CDH12: variants seen among roughly 807,000 people sequenced by gnomAD.
CDH12 encodes the protein cadherin 12.
A neutral mutation model predicts 74.1 loss-of-function variants in CDH12; 41 were observed. The ratio of observed to expected loss-of-function variants is 0.55; its 90% CI spans 0.43 to 0.72. The LOEUF is 0.72. CDH12 is among the 30% of genes least tolerant of loss of function. The pLI, the probability that CDH12 is intolerant of heterozygous loss-of-function variation, is 0.00. For synonymous variants in CDH12, 399 were observed against 355.0 expected (o/e 1.12, Z -1.39); for missense variants, 945 against 977.2 (o/e 0.97, Z 0.44).
intron 2 of CDH12, among the ~76,000 whole-genome samples, chr5:22,504,804 T>C (rs976958392): frequency 1.3e-5 from 2 of 152,090 alleles, no homozygotes; most frequent in South Asian, 2.1e-4. Context: ...ACTTTATCTC[T>C]GTTTCCTATG....
chr5:22,759,041 T>C lies in CDH12; in HGVS notation c.-523+94017A>G, dbSNP rs115343326. Among the ~76,000 whole-genome samples, 1,368 of 152,256 alleles carry C rather than the reference T, an allele frequency of 9.0e-3. 6 individuals carry two copies. The highest frequency in any genetic ancestry group is 0.016 in the Non-Finnish European group (1,079 of 68,014). ...AAAATTTTAAAACCAAATAAGATCT[T>C]GGCTAAGATACCATATGAAAGGTGA... On this transcript the variant is annotated intron_variant, in intron 1 of 14. Coordinates refer to ENST00000382254, the MANE Select transcript of CDH12 (RefSeq NM_004061.5).
At chr5:21,903,816 A>G (rs1284939162) in intron 6 of CDH12, among the ~76,000 whole-genome samples, 1 of 152,222 alleles carries the variant, frequency 6.6e-6, no homozygotes, top group Non-Finnish European at 1.5e-5. Flanking sequence ...AAGAACACAA[A>G]TAGATGGAAA....
At chr5:22,242,533 A>G (rs932488474) in intron 3 of CDH12, among the ~76,000 whole-genome samples, 1 of 152,252 alleles carries the variant, frequency 6.6e-6, no homozygotes, top group South Asian at 2.1e-4. Context: ...CCACTTTTCC[A>G]TAGTCTGTAC....
chr5:22,353,215 T>C (rs1334222552), intron 3 of CDH12, among the ~76,000 whole-genome samples: 1 of 152,230 alleles, frequency 6.6e-6, no homozygotes, highest in African/African-American at 2.4e-5. Context: ...TAATTGATTT[T>C]AAAATTTTGT....
At chr5:22,068,201 A>G (rs1169561107) in intron 5 of CDH12, among the ~76,000 whole-genome samples, 1 of 152,146 alleles carries the variant, frequency 6.6e-6, no homozygotes, top group Non-Finnish European at 1.5e-5. Flanking sequence ...ATGAGGCCTC[A>G]GCAGGCCCTT....
rs558779549 is a variant in CDH12 at position 22,160,749 on chromosome 5, T to C, written c.-187+51749A>G. Reference sequence around the variant, plus strand: ...GGTGAAAGGGACCAAGGAGCTCAACTCCCTTGGGCCTATATTATAAGGGCA... The same window carrying C: ...GGTGAAAGGGACCAAGGAGCTCAACCCCCTTGGGCCTATATTATAAGGGCA... On this transcript the variant is annotated intron_variant, in intron 4 of 14. Coordinates refer to ENST00000382254, the MANE Select transcript of CDH12 (RefSeq NM_004061.5). Among the ~76,000 whole-genome samples, 18 of 152,158 alleles carry C rather than the reference T, an allele frequency of 1.2e-4. 1 individual carries two copies. The South Asian group carries it at 3.7e-3, about 32-fold the overall frequency.
At chr5:22,702,802 G>T (rs1357217513) in intron 1 of CDH12, among the ~76,000 whole-genome samples, 1 of 151,996 alleles carries the variant, frequency 6.6e-6, no homozygotes, top group Non-Finnish European at 1.5e-5. Flanking sequence ...CATATGGTTT[G>T]CATGAGAGAC....
At chr5:22,017,916 T>G (rs1462865699) in intron 5 of CDH12, among the ~76,000 whole-genome samples, 1 of 151,994 alleles carries the variant, frequency 6.6e-6, no homozygotes, top group Non-Finnish European at 1.5e-5. Context: ...TGCACCACCA[T>G]GCCTGGCTAA....
chr5:22,545,240 G>A (rs566992987), intron 1 of CDH12, among the ~76,000 whole-genome samples: 2 of 152,278 alleles, frequency 1.3e-5, no homozygotes, highest in East Asian at 3.9e-4. Context: ...ACCCATCAAT[G>A]GTGGGGGCCA....
chr5:21,772,448 C>A (rs918495395), intron 11 of CDH12, among the ~76,000 whole-genome samples: 8 of 151,960 alleles, frequency 5.3e-5, no homozygotes, highest in Admixed American at 4.6e-4. Flanking sequence ...TGCTTTATTC[C>A]ATTTCTAGAG....
chr5:21,967,600 C>T (rs1756642333), intron 6 of CDH12, among the ~76,000 whole-genome samples: 1 of 152,098 alleles, frequency 6.6e-6, no homozygotes, highest in African/African-American at 2.4e-5. Context: ...ACATTTATTG[C>T]TGATCAGTGG....
chr5:22,522,810 T>C (rs1737112572), intron 1 of CDH12, among the ~76,000 whole-genome samples: 1 of 152,220 alleles, frequency 6.6e-6, no homozygotes, highest in Non-Finnish European at 1.5e-5. Context: ...GTTCTGTCAT[T>C]CTGCTAGTTT....
At chr5:22,565,374 A>T (rs1218538413) in intron 1 of CDH12, among the ~76,000 whole-genome samples, 1 of 152,188 alleles carries the variant, frequency 6.6e-6, no homozygotes, top group Non-Finnish European at 1.5e-5. Context: ...CAGGGTAATA[A>T]GGTTCTCTTT....
At chr5:22,204,162 G>GGTTTTTTTTTTTTTTTTTTTTT (rs1554020485) in intron 4 of CDH12, among the ~76,000 whole-genome samples, 1 of 129,842 alleles carries the variant, frequency 7.7e-6, no homozygotes, top group Non-Finnish European at 1.7e-5. Flanking sequence ...TGTTTTGTTT[G>GGTTTTTTTTTTTTTTTTTTTTT]TTTTTTTTTT....
At chr5:22,703,945 C>T (rs771385958) in intron 1 of CDH12, among the ~76,000 whole-genome samples, 18 of 151,924 alleles carry the variant, frequency 1.2e-4, no homozygotes, top group East Asian at 1.9e-4. Context: ...ACATAATAGA[C>T]GTATTTGGAG....
chr5:22,698,320 C>T (rs1742493370), intron 1 of CDH12, among the ~76,000 whole-genome samples: 2 of 151,260 alleles, frequency 1.3e-5, no homozygotes, highest in Admixed American at 1.3e-4. Context: ...TGGGGTTCAC[C>T]ATGTTGGTCA....
At chr5:22,672,435 A>T (rs904982460) in intron 1 of CDH12, among the ~76,000 whole-genome samples, 1 of 151,966 alleles carries the variant, frequency 6.6e-6, no homozygotes, top group Non-Finnish European at 1.5e-5. Context: ...TGCTCTCATG[A>T]AGGGATTAAT....
At chr5:22,240,137 G>C (rs189776669) in intron 3 of CDH12, among the ~76,000 whole-genome samples, 42 of 152,244 alleles carry the variant, frequency 2.8e-4, no homozygotes, top group Admixed American at 1.0e-3. Flanking sequence ...CTTAGCTCCA[G>C]AGTTAGCAGT....
intron 1 of CDH12, among the ~76,000 whole-genome samples, chr5:22,541,341 G>C (rs576372095): frequency 6.6e-6 from 1 of 152,294 alleles, no homozygotes; most frequent in East Asian, 1.9e-4. Context: ...AGTGTGAGAT[G>C]AAGTGCTCAA....
Sources: allele counts gnomAD v4.1 joint callset (sites outside exome capture counted in the v4.1 genomes callset), GRCh38; gene constraint gnomAD v4.1.1; transcripts MANE v1.5; gene names NCBI Gene and HGNC (gene_info 2026-07-23, HGNC 2026-07-21).